The following ROR2 variants were observed in gnomAD, a reference collection of about 807,000 sequenced individuals.
ROR2 encodes ROR family WNT receptor 2.
A neutral mutation model predicts 74.9 loss-of-function variants in ROR2; 33 were observed. The observed-to-expected ratio is 0.44, with a 90% CI of 0.33 to 0.59. The LOEUF is 0.59. Among genes scored for constraint, ROR2 ranks in the 20% least tolerant of loss-of-function variants. The probability of loss-of-function intolerance (pLI) is 0.02; values close to 1 mark genes in which losing one functional copy is unlikely to be tolerated. For synonymous variants in ROR2, 586 were observed against 558.7 expected (o/e 1.05, Z -0.69); for missense variants, 1,216 against 1,313.8 (o/e 0.93, Z 1.15).
chr9:91,724,034 G>C lies in ROR2; in HGVS notation c.2460C>G (p.Pro820=). 1.2e-6 allele frequency: 2 copies of C among 1,612,230 alleles called. No individual in the cohort carries two copies. Among genetic ancestry groups the C allele is most frequent in the Non-Finnish European group, 1.7e-6 (2 of 1,179,872 alleles). The change falls in exon 9 of 9, where the codon CCC becomes CCG. Residue 820 remains proline, a synonymous_variant. Transcript: ENST00000375708. The part of the protein sequence containing the change: ...PMVPPPQLYV[P]VNGYQPVPAY... ...CCGGCACCGGCTGGTAGCCGTTGAC[G>C]GGGACGTAGAGCTGCGGCGGGGGCA...
chr9:91,798,938 T>A (rs1424970319), intron 1 of ROR2, among the ~76,000 whole-genome samples: 1 of 152,130 alleles, frequency 6.6e-6, no homozygotes, highest in African/African-American at 2.4e-5. Context: ...CCTGTGCACC[T>A]GCAAGTGCCT....
intron 1 of ROR2, among the ~76,000 whole-genome samples, chr9:91,860,985 C>T (rs966008152): frequency 6.6e-6 from 1 of 151,970 alleles, no homozygotes; most frequent in Non-Finnish European, 1.5e-5. Flanking sequence ...AAAATGAAAC[C>T]AAGTTAACTC....
At chr9:91,732,262 C>T (rs1837269194) in intron 6 of ROR2, among the ~76,000 whole-genome samples, 2 of 152,196 alleles carry the variant, frequency 1.3e-5, no homozygotes, top group South Asian at 4.1e-4. Flanking sequence ...TGGTTTTCCT[C>T]GGAGACATAA....
chr9:91,886,001 G>A (rs989298900), intron 1 of ROR2, among the ~76,000 whole-genome samples: 1 of 148,510 alleles, frequency 6.7e-6, no homozygotes, highest in African/African-American at 2.5e-5. Flanking sequence ...AGCCTCTCCC[G>A]AGTAGCTGGG....
chr9:91,723,768 A>C lies in ROR2; in HGVS notation c.2726T>G (p.Val909Gly), dbSNP rs1413303019. The change falls in exon 9 of 9, where the codon GTG becomes GGG. Residue 909 changes from valine (V) to glycine (G), a missense_variant. Physicochemically the swap from Val to Gly is moderately radical, Grantham distance 109. Transcript: ENST00000375708. ...TTCCTCCTCCTCCTCTGCTTCCTGCACGGTGCTCTGGGCCCCATCTTCTGG... is the reference window on the plus strand; with the variant it reads ...TTCCTCCTCCTCCTCTGCTTCCTGCCCGGTGCTCTGGGCCCCATCTTCTGG... ...NAPEDGAQST[V>G]QEAEEEEEGS... 1 of 1,613,610 alleles carries C rather than the reference A, an allele frequency of 6.2e-7. No individual in the cohort carries two copies. The highest frequency in any genetic ancestry group is 8.5e-7 in the Non-Finnish European group (1 of 1,180,012).
chr9:91,897,312 C>T (rs1363744116), intron 1 of ROR2, among the ~76,000 whole-genome samples: 1 of 152,222 alleles, frequency 6.6e-6, no homozygotes, highest in Non-Finnish European at 1.5e-5. Context: ...CCAAAATAAT[C>T]CCAAAGGGGA....
At chr9:91,923,041 C>G (rs562618638) in intron 1 of ROR2, among the ~76,000 whole-genome samples, 7 of 152,128 alleles carry the variant, frequency 4.6e-5, no homozygotes, top group Non-Finnish European at 7.3e-5. Context: ...AAGCCTCTCC[C>G]TCATGCCAAA....
intron 4 of ROR2, among the ~76,000 whole-genome samples, chr9:91,739,513 T>TAAAAAA (rs71362359): frequency 1.2e-4 from 13 of 105,592 alleles, no homozygotes; most frequent in Non-Finnish European, 1.5e-4. Context: ...TCTTTAAATT[T>TAAAAAA]AAAAAAAAAA....
intron 4 of ROR2, among the ~76,000 whole-genome samples, chr9:91,747,743 C>T (rs749379309): frequency 5.9e-5 from 9 of 152,004 alleles, no homozygotes; most frequent in Non-Finnish European, 1.3e-4. Flanking sequence ...CATATCATCA[C>T]GGTGGGGCGG....
chr9:91,770,367 C>A (rs139526895), intron 2 of ROR2, among the ~76,000 whole-genome samples: 64 of 152,338 alleles, frequency 4.2e-4, no homozygotes, highest in African/African-American at 1.3e-3. Flanking sequence ...CGCCTGCTGG[C>A]GGTCAGCACG....
At chr9:91,921,726 G>A (rs1326515516) in intron 1 of ROR2, among the ~76,000 whole-genome samples, 1 of 152,110 alleles carries the variant, frequency 6.6e-6, no homozygotes, top group Non-Finnish European at 1.5e-5. Flanking sequence ...AGCCAGGCGT[G>A]GCGGCGCACG....
Position 91,723,134 on chromosome 9 carries a change from G to C in ROR2, c.*528C>G, listed in dbSNP as rs1031762533. 2 of 160,010 alleles carry C rather than the reference G, an allele frequency of 1.2e-5. No homozygotes were observed. The highest frequency in any genetic ancestry group is 2.8e-5 in the Non-Finnish European group (2 of 72,582). 9.9% of individuals were successfully genotyped at this position (160,010 alleles called of 1,614,324 possible). ...CAACAGGCAGCAGAGGGCAGCCTCC[G>C]TTCCAGCGAATCTTTGGCTGCTAAA... On this transcript the variant is annotated 3_prime_UTR_variant, in exon 9 of 9. Coordinates refer to ENST00000375708, the MANE Select transcript of ROR2 (RefSeq NM_004560.4).
At chr9:91,915,237 C>A (rs971478189) in intron 1 of ROR2, among the ~76,000 whole-genome samples, 3 of 152,152 alleles carry the variant, frequency 2.0e-5, no homozygotes, top group African/African-American at 4.8e-5. Context: ...ACTGTGACTA[C>A]CACACGCGGC....
chr9:91,722,979 A>G lies in ROR2; in HGVS notation c.*683T>C. ...CACTTTCCCTTGAATTCCCAAAAAA[A>G]GTGGGCAAAATACACATGGAGTATA... is the stretch of plus-strand genomic sequence containing the variant. On this transcript the variant is annotated 3_prime_UTR_variant, in exon 9 of 9. Transcript: ENST00000375708. 1 of 193,490 alleles carries G rather than the reference A, an allele frequency of 5.2e-6. No individual in the cohort carries two copies. The highest frequency in any genetic ancestry group is 1.1e-5 in the Non-Finnish European group (1 of 92,684). The allele number at this position is 193,490 out of a possible 1,614,324, so 12.0% of individuals were successfully genotyped here.
chr9:91,831,682 G>C (rs1411998404), intron 1 of ROR2, among the ~76,000 whole-genome samples: 3 of 141,216 alleles, frequency 2.1e-5, no homozygotes, highest in Admixed American at 1.4e-4. Flanking sequence ...GGCTGAGGCA[G>C]GAGAATCCTA....
intron 1 of ROR2, among the ~76,000 whole-genome samples, chr9:91,918,422 T>C (rs1239667444): frequency 1.3e-5 from 2 of 152,140 alleles, no homozygotes. Flanking sequence ...CCTAAATACT[T>C]TCCGACAGTT....
intron 2 of ROR2, among the ~76,000 whole-genome samples, chr9:91,767,079 G>GATTTT (rs754818380): frequency 0.011 from 1,585 of 142,688 alleles, 93 homozygotes; most frequent in Admixed American, 0.082. Flanking sequence ...AATGACTTAC[G>GATTTT]GTTTTTTTTT....
At chr9:91,729,105 A>C (rs1286959783) in intron 7 of ROR2, among the ~76,000 whole-genome samples, 1 of 146,898 alleles carries the variant, frequency 6.8e-6, no homozygotes, top group African/African-American at 2.5e-5. Context: ...AAAAAAAAAA[A>C]GTCTTGTATT....
chr9:91,797,119 TGGGGCTG>T (rs1827207895), intron 1 of ROR2, among the ~76,000 whole-genome samples: 1 of 66,218 alleles, frequency 1.5e-5, no homozygotes. Flanking sequence ...GCTCTGTGGG[TGGGGCTG>T]ACACCCTGGG....
Sources: gnomAD v4.1 joint callset for allele counts (sites outside exome capture counted in the v4.1 genomes callset) on GRCh38, gnomAD v4.1.1 for gene constraint, MANE v1.5 for transcripts, NCBI Gene and HGNC (gene_info 2026-07-23, HGNC 2026-07-21) for gene names.